ASIC2: variants seen among roughly 807,000 people sequenced by gnomAD.
ASIC2 encodes acid sensing ion channel subunit 2, also known as acid-sensing ion channel 2.
In ASIC2, 25 loss-of-function variants were observed where a neutral mutation model predicts 57.3. The observed-to-expected ratio is 0.44, with a 90% confidence interval of 0.32 to 0.61. The LOEUF is 0.61. Ranked by LOEUF, ASIC2 falls within the 20% of genes least tolerant of loss-of-function variation. ASIC2 has a pLI of 0.06. For synonymous variants in ASIC2, 319 were observed against 307.5 expected (o/e 1.04, Z -0.39); for missense variants, 641 against 738.1 (o/e 0.87, Z 1.52).
intron 1 of ASIC2, among the ~76,000 whole-genome samples, chr17:33,940,997 G>A (rs1442688328): frequency 6.6e-6 from 1 of 152,268 alleles, no homozygotes; most frequent in Non-Finnish European, 1.5e-5. Flanking sequence ...TAAGTGCGGT[G>A]AAGAACTATC....
intron 1 of ASIC2, among the ~76,000 whole-genome samples, chr17:33,348,596 T>C (rs1908042776): frequency 6.6e-6 from 1 of 151,104 alleles, no homozygotes. Flanking sequence ...GGTGAGAGGG[T>C]TAGGAAATTG....
chr17:33,101,162 C>T (rs1339057868), intron 2 of ASIC2, among the ~76,000 whole-genome samples: 1 of 152,140 alleles, frequency 6.6e-6, no homozygotes, highest in Non-Finnish European at 1.5e-5. Flanking sequence ...TCCTTAGGAC[C>T]TGGCACCATG....
At chr17:33,088,036 C>T (rs769357819) in intron 3 of ASIC2, among the ~76,000 whole-genome samples, 2 of 152,184 alleles carry the variant, frequency 1.3e-5, no homozygotes, top group Non-Finnish European at 2.9e-5. Context: ...CCCTTTCCCA[C>T]ACCCCAGAGC....
At chr17:33,506,776 T>C (rs1339537964) in intron 1 of ASIC2, among the ~76,000 whole-genome samples, 2 of 152,350 alleles carry the variant, frequency 1.3e-5, no homozygotes, top group South Asian at 4.1e-4. Flanking sequence ...GGGCTAATCA[T>C]GTCTGTCTCT....
At chr17:34,028,096 G>A (rs1049553413) in intron 1 of ASIC2, among the ~76,000 whole-genome samples, 1 of 152,136 alleles carries the variant, frequency 6.6e-6, no homozygotes, top group Non-Finnish European at 1.5e-5. Flanking sequence ...TAGTACGTAG[G>A]TAATCAATAC....
intron 1 of ASIC2, among the ~76,000 whole-genome samples, chr17:33,869,194 A>C (rs149689601): frequency 6.6e-6 from 1 of 152,220 alleles, no homozygotes; most frequent in African/African-American, 2.4e-5. Flanking sequence ...TGCACATTGA[A>C]ACCCACAATG....
At chr17:33,479,706 T>A (rs1018747735) in intron 1 of ASIC2, among the ~76,000 whole-genome samples, 22 of 152,166 alleles carry the variant, frequency 1.4e-4, no homozygotes, top group African/African-American at 5.3e-4. Flanking sequence ...AGCTGGATGG[T>A]GTAGGCCTGG....
At chr17:33,022,408 C>T (rs2091839991) in intron 6 of ASIC2, among the ~76,000 whole-genome samples, 1 of 152,218 alleles carries the variant, frequency 6.6e-6, no homozygotes, top group African/African-American at 2.4e-5. Context: ...CATCATCACA[C>T]AGCATTCGTC....
At chr17:33,854,169 T>C (rs73288648) in intron 1 of ASIC2, among the ~76,000 whole-genome samples, 4,959 of 152,286 alleles carry the variant, frequency 0.033, 266 homozygotes, top group African/African-American at 0.11. Context: ...TCTTTGCTAG[T>C]TAATGGCCTA....
At chr17:33,101,213 T>G (rs66510071) in intron 2 of ASIC2, among the ~76,000 whole-genome samples, 15,610 of 152,158 alleles carry the variant, frequency 0.1, 937 homozygotes, top group African/African-American at 0.15. Flanking sequence ...GGAGAAACCA[T>G]AGCAACCATC....
intron 1 of ASIC2, among the ~76,000 whole-genome samples, chr17:33,859,175 T>C (rs1914041067): frequency 6.6e-6 from 1 of 152,172 alleles, no homozygotes; most frequent in Non-Finnish European, 1.5e-5. Flanking sequence ...AATAATAGTG[T>C]TGGGTTATGT....
At chr17:33,392,559 C>T (rs2141953624) in intron 1 of ASIC2, among the ~76,000 whole-genome samples, 1 of 152,152 alleles carries the variant, frequency 6.6e-6, no homozygotes, top group East Asian at 1.9e-4. Flanking sequence ...GCCACTGCAC[C>T]CGGCCCCTTA....
intron 1 of ASIC2, among the ~76,000 whole-genome samples, chr17:33,899,975 T>C (rs571266150): frequency 1.3e-5 from 2 of 152,344 alleles, no homozygotes; most frequent in South Asian, 2.1e-4. Context: ...CAATATCTTA[T>C]GGGAAGTGAG....
chr17:33,286,626 C>T (rs181616944), intron 1 of ASIC2, among the ~76,000 whole-genome samples: 1 of 152,312 alleles, frequency 6.6e-6, no homozygotes, highest in Non-Finnish European at 1.5e-5. Flanking sequence ...CTCCTGTCCT[C>T]TCACCCTGAA....
chr17:34,025,939 TG>T (rs1289425170), intron 1 of ASIC2, among the ~76,000 whole-genome samples: 4 of 152,260 alleles, frequency 2.6e-5, no homozygotes, highest in Non-Finnish European at 5.9e-5. Flanking sequence ...TCATAGCAGC[TG>T]TGCAACTTTG....
intron 1 of ASIC2, among the ~76,000 whole-genome samples, chr17:33,827,542 C>T (rs749707238): frequency 2.7e-5 from 4 of 147,618 alleles, no homozygotes; most frequent in African/African-American, 5.0e-5. Flanking sequence ...GATGGGGTTT[C>T]ACCATGTTAG....
chr17:33,392,170 TCTTC>T (rs1281226603), intron 1 of ASIC2, among the ~76,000 whole-genome samples: 13 of 128,872 alleles, frequency 1.0e-4, no homozygotes, highest in South Asian at 5.6e-4. Flanking sequence ...TCTTTTCCTT[TCTTC>T]CTTCCTTCCT....
At chr17:33,993,371 G>C (rs2142011046) in intron 1 of ASIC2, among the ~76,000 whole-genome samples, 1 of 152,258 alleles carries the variant, frequency 6.6e-6, no homozygotes, top group South Asian at 2.1e-4. Flanking sequence ...GAGAACAGCA[G>C]CCTCAGCCTA....
chr17:33,150,849 C>CA (rs61602373), intron 1 of ASIC2, among the ~76,000 whole-genome samples: 5,441 of 18,844 alleles, frequency 0.29, 1,261 homozygotes, highest in East Asian at 0.48. Context: ...GACTCCGTCT[C>CA]AAAAAAAAAA....
Sources: gnomAD v4.1 joint callset for allele counts (sites outside exome capture counted in the v4.1 genomes callset) on GRCh38, gnomAD v4.1.1 for gene constraint, MANE v1.5 for transcripts, NCBI Gene and HGNC (gene_info 2026-07-23, HGNC 2026-07-21) for gene names.